The following C11orf65 variants were observed in gnomAD, a reference collection of about 807,000 sequenced individuals.
The protein encoded by C11orf65 is protein MFI.
C11orf65 carries 38 observed loss-of-function variants against 35.3 expected under a neutral mutation model. The ratio of observed to expected loss-of-function variants is 1.08; its 90% CI spans 0.83 to 1.41. C11orf65 has a LOEUF of 1.41. Among genes scored for constraint, C11orf65 ranks in the 40% most tolerant of loss-of-function variants. C11orf65 has a pLI of 0.00. For missense variants in C11orf65, 370 were observed against 367.1 expected (o/e 1.01, Z -0.06); for synonymous variants, 105 against 114.4 (o/e 0.92, Z 0.53).
At position 108,406,851 on chromosome 11, in the gene C11orf65, T is replaced by C. The variant is rs199878625; in HGVS notation, c.341A>G (p.His114Arg). 9.9e-6 allele frequency: 16 copies of C among 1,610,228 alleles called. No homozygotes were observed. The Admixed American group carries it at 2.3e-4, about 23-fold the overall frequency. ...TTCCTGAAGATGATCATTTTTATTA[T>C]GAGATGTATGCTTTGCTGGAAGTTT... ...YAKLPAKHTSHNKNDHLQEED... is the reference protein window; with the variant it reads ...YAKLPAKHTSRNKNDHLQEED... Residue 114 changes from histidine to arginine, a missense_variant, in exon 5 of 9, where the codon CAT becomes CGT. Coordinates refer to ENST00000393084, the MANE Select transcript of C11orf65 (RefSeq NM_152587.5).
chr11:108,355,130 C>A, intron 2 of C11orf65: 1 of 486,670 alleles, frequency 2.1e-6, no homozygotes, highest in Non-Finnish European at 3.7e-6. Flanking sequence ...ATTCATAAAT[C>A]AATTCTTTGA....
rs748192003 is a variant in C11orf65 at position 108,353,766 on chromosome 11, G to C, written c.227-18474C>G. On this transcript the variant is annotated intron_variant, in intron 2 of 3. Coordinates refer to the C11orf65 transcript ENST00000524755. ...AACTTCACTGTATTCTTTACTTTAG[G>C]TGTTGCTTTTGAACAGGGCAAAATC... 1 of 1,599,628 alleles carries C rather than the reference G, an allele frequency of 6.3e-7. No homozygotes were observed. Among genetic ancestry groups the C allele is most frequent in the Non-Finnish European group, 8.6e-7 (1 of 1,166,920 alleles).
In C11orf65 at chr11:108,345,746, G is replaced by A. The variant is rs876660616; in HGVS notation, c.227-10454C>T. Reference sequence around the variant, plus strand: ...TATATATATTCTCTATTTAAAGGAGGTGCAAAAAAAGTCTTTTGAAGAGAA... The same window carrying A: ...TATATATATTCTCTATTTAAAGGAGATGCAAAAAAAGTCTTTTGAAGAGAA... On this transcript the variant is annotated intron_variant, in intron 2 of 3. Coordinates refer to the C11orf65 transcript ENST00000524755. 6.2e-7 allele frequency: 1 copy of A among 1,606,728 alleles called. No individual in the cohort carries two copies. Among genetic ancestry groups the A allele is most frequent in the Non-Finnish European group, 8.5e-7 (1 of 1,174,554 alleles).
chr11:108,467,377 G>C (rs1022714979), intron 1 of C11orf65, 94 bp downstream of exon 1: 2 of 152,196 alleles, frequency 1.3e-5, no homozygotes, highest in African/African-American at 4.8e-5. Flanking sequence ...GGTTCTTTAG[G>C]GCCTTGAAAC....
At chr11:108,360,714 G>C (rs1170355022) in intron 2 of C11orf65, among the ~76,000 whole-genome samples, 4 of 143,922 alleles carry the variant, frequency 2.8e-5, no homozygotes, top group Admixed American at 7.1e-5. Context: ...TATCTCAATA[G>C]ATGCAGAAAA....
chr11:108,439,286 A>G (rs1402007221), intron 2 of C11orf65, among the ~76,000 whole-genome samples: 1 of 152,270 alleles, frequency 6.6e-6, no homozygotes, highest in Non-Finnish European at 1.5e-5. Context: ...ATGAGATACG[A>G]CTTAACATCC....
At chr11:108,465,009 A>T (rs1033210097) in intron 1 of C11orf65, among the ~76,000 whole-genome samples, 2 of 152,242 alleles carry the variant, frequency 1.3e-5, no homozygotes, top group Admixed American at 6.5e-5. Context: ...TATTAGGATT[A>T]AAATGGGTCT....
At chr11:108,430,296 T>A (rs1281765689) in intron 3 of C11orf65, among the ~76,000 whole-genome samples, 1 of 25,548 alleles carries the variant, frequency 3.9e-5, no homozygotes, top group African/African-American at 1.2e-4. Flanking sequence ...GCCTGGCTAA[T>A]TTTTTTTTTT....
At position 108,359,983 on chromosome 11, in the gene C11orf65, C is replaced by G. The variant is rs11512525; in HGVS notation, c.227-24691G>C. Among the ~76,000 whole-genome samples the G allele has an allele frequency of 6.6e-3, 996 of 151,696 alleles. 6 individuals are homozygous for G. The highest frequency in any genetic ancestry group is 0.011 in the East Asian group (56 of 5,164). On this transcript the variant is annotated intron_variant, in intron 2 of 3. Transcript: ENST00000524755. ...GAAGGAAATAGAGACACAAAAAACCCTTCAAAAAATTAATGAATCCAGGAG... is the reference window on the plus strand; with the variant it reads ...GAAGGAAATAGAGACACAAAAAACCGTTCAAAAAATTAATGAATCCAGGAG...
chr11:108,452,003 T>C (rs1396454757), intron 2 of C11orf65, among the ~76,000 whole-genome samples: 2 of 152,146 alleles, frequency 1.3e-5, no homozygotes, highest in African/African-American at 2.4e-5. Context: ...AAAAAATTAA[T>C]TCAAGATGGA....
chr11:108,425,884 CA>C (rs1411952888), intron 3 of C11orf65, among the ~76,000 whole-genome samples: 1 of 152,114 alleles, frequency 6.6e-6, no homozygotes, highest in Admixed American at 6.6e-5. Flanking sequence ...TAAAAAGAAC[CA>C]ATTACAAAAA....
At chr11:108,439,581 T>C (rs1288312393) in intron 2 of C11orf65, among the ~76,000 whole-genome samples, 2 of 152,172 alleles carry the variant, frequency 1.3e-5, no homozygotes, top group African/African-American at 4.8e-5. Flanking sequence ...AAATGTCCAT[T>C]AACAGATGAA....
At chr11:108,371,226 C>A (rs1318759411) in intron 2 of C11orf65, among the ~76,000 whole-genome samples, 1 of 152,028 alleles carries the variant, frequency 6.6e-6, no homozygotes, top group East Asian at 1.9e-4. Context: ...TGGTGAGTCA[C>A]TTAAAAACAC....
intron 2 of C11orf65, among the ~76,000 whole-genome samples, chr11:108,376,202 C>A (rs1374953842): frequency 6.6e-6 from 1 of 151,810 alleles, no homozygotes; most frequent in African/African-American, 2.4e-5. Flanking sequence ...AGCACCACAC[C>A]TATTCCAAAA....
intron 3 of C11orf65, among the ~76,000 whole-genome samples, chr11:108,424,102 C>G (rs2092863734): frequency 6.6e-6 from 1 of 152,162 alleles, no homozygotes; most frequent in Non-Finnish European, 1.5e-5. Context: ...GGATAACAAA[C>G]TCCTCCGAGC....
chr11:108,347,394 T>C, intron 2 of C11orf65: 1 of 1,501,392 alleles, frequency 6.7e-7, no homozygotes, highest in Non-Finnish European at 9.3e-7. Flanking sequence ...GTATCTATTC[T>C]TTTTAGTAAA....
intron 6 of C11orf65, among the ~76,000 whole-genome samples, chr11:108,395,620 A>AT (rs536560810): frequency 0.098 from 12,136 of 123,354 alleles, 2,280 homozygotes; most frequent in African/African-American, 0.36. Flanking sequence ...CCCAGCCCAA[A>AT]TTTTTTTTTT....
intron 2 of C11orf65, among the ~76,000 whole-genome samples, chr11:108,372,823 TC>T (rs2091608442): frequency 6.6e-6 from 1 of 152,074 alleles, no homozygotes; most frequent in African/African-American, 2.4e-5. Flanking sequence ...ACATCTGTAA[TC>T]CCAGCACTTT....
At chr11:108,455,824 A>C (rs1487837334) in intron 2 of C11orf65, among the ~76,000 whole-genome samples, 1 of 147,114 alleles carries the variant, frequency 6.8e-6, no homozygotes, top group Non-Finnish European at 1.5e-5. Flanking sequence ...TCAAAAAAAA[A>C]AAAAAAAAAA....
Sources: gnomAD v4.1 joint callset for allele counts (sites outside exome capture counted in the v4.1 genomes callset) on GRCh38, gnomAD v4.1.1 for gene constraint, MANE v1.5 for transcripts, NCBI Gene and HGNC (gene_info 2026-07-23, HGNC 2026-07-21) for gene names.